NCAM2: variants seen among roughly 807,000 people sequenced by gnomAD.
The protein encoded by NCAM2 is N-CAM-2.
Under a neutral mutation model 98.1 loss-of-function variants are expected in NCAM2, and 30 were observed. That is an observed-to-expected ratio of 0.31 (90% CI 0.23 to 0.41). NCAM2 has a LOEUF of 0.41. Among genes scored for constraint, NCAM2 ranks in the 10% least tolerant of loss-of-function variants. The pLI is 1.00. For synonymous variants in NCAM2, 368 were observed against 342.4 expected, an observed-to-expected ratio of 1.07 and a Z score of -0.83; for missense variants, 867 against 1,005.8, an observed-to-expected ratio of 0.86 and a Z score of 1.87.
At chr21:21,010,155 C>A (rs968997081) in intron 1 of NCAM2, among the ~76,000 whole-genome samples, 1 of 151,906 alleles carries the variant, frequency 6.6e-6, no homozygotes, top group African/African-American at 2.4e-5. Context: ...CTTTTATCTC[C>A]CTCCTAAAGT....
intron 16 of NCAM2, among the ~76,000 whole-genome samples, chr21:21,523,574 T>C (rs971580104): frequency 2.0e-5 from 3 of 151,964 alleles, no homozygotes; most frequent in Non-Finnish European, 4.4e-5. Context: ...ATGGAAACAA[T>C]GTATTGTATT....
chr21:21,517,438 T>C (rs1988772566), intron 16 of NCAM2, among the ~76,000 whole-genome samples: 1 of 152,214 alleles, frequency 6.6e-6, no homozygotes, highest in African/African-American at 2.4e-5. Context: ...AGTTTCTTCC[T>C]TCTATTCTGT....
At chr21:21,238,232 C>A (rs2070920696) in intron 1 of NCAM2, among the ~76,000 whole-genome samples, 1 of 151,994 alleles carries the variant, frequency 6.6e-6, no homozygotes, top group South Asian at 2.1e-4. Flanking sequence ...GCTGGGATTA[C>A]AGGGATGAGC....
intron 1 of NCAM2, among the ~76,000 whole-genome samples, chr21:21,261,727 G>T (rs1294157758): frequency 2.6e-5 from 4 of 152,078 alleles, no homozygotes; most frequent in Non-Finnish European, 4.4e-5. Flanking sequence ...TAAGATGAAA[G>T]CAGTAGTGCT....
At chr21:21,219,076 A>C (rs987558231) in intron 1 of NCAM2, among the ~76,000 whole-genome samples, 2 of 152,262 alleles carry the variant, frequency 1.3e-5, no homozygotes, top group African/African-American at 2.4e-5. Flanking sequence ...CCCATGGCCC[A>C]CAGGCCACAT....
chr21:21,542,180 A>T lies in NCAM2; in HGVS notation c.*4223A>T. On this transcript the variant is annotated 3_prime_UTR_variant, in exon 18 of 18. Transcript: ENST00000400546. ...ATTTATAAAAAGACCCACATATAGT[A>T]GTTGCTGAACAAACATAATTTTCTT... is the stretch of plus-strand genomic sequence containing the variant. 6.6e-6 allele frequency: 1 copy of T among 151,880 alleles called. No homozygotes were observed. The highest frequency in any genetic ancestry group is 1.9e-4 in the East Asian group (1 of 5,200). The allele number at this position is 151,880 out of a possible 1,614,324, so 9.4% of individuals were successfully genotyped here. A position where few individuals can be genotyped will look rare whatever the true frequency, so the allele number is the denominator to read the frequency against.
intron 11 of NCAM2, among the ~76,000 whole-genome samples, chr21:21,426,750 A>G (rs2077222805): frequency 6.6e-6 from 1 of 152,144 alleles, no homozygotes. Context: ...AGTGGGACTG[A>G]CATTCACACC....
At position 21,468,684 on chromosome 21, in the gene NCAM2, A is replaced by C; in HGVS notation, c.1797A>C (p.Ile599=). 1.2e-6 allele frequency: 2 copies of C among 1,611,996 alleles called. No homozygotes were observed. The highest frequency in any genetic ancestry group is 1.7e-6 in the Non-Finnish European group (2 of 1,178,772). Residue 599 remains isoleucine, a synonymous_variant, in exon 14 of 18, where the codon ATA becomes ATC. Coordinates refer to ENST00000400546, the MANE Select transcript of NCAM2 (RefSeq NM_004540.5). ...LPVREPSPPS[I]HGQPSSGKSF... is the part of the protein sequence containing the mutation. ...TAGGTGAACCAAGTCCTCCATCCAT[A>C]CATGGACAGCCAAGCAGTGGAAAGA... is the stretch of plus-strand genomic sequence containing the variant.
chr21:21,406,347 G>C (rs1176321998), intron 9 of NCAM2, among the ~76,000 whole-genome samples: 1 of 152,164 alleles, frequency 6.6e-6, no homozygotes, highest in African/African-American at 2.4e-5. Flanking sequence ...GCTAAAGACA[G>C]GCCAAAGACT....
At chr21:21,131,453 A>G (rs2066934243) in intron 1 of NCAM2, among the ~76,000 whole-genome samples, 1 of 152,068 alleles carries the variant, frequency 6.6e-6, no homozygotes, top group Non-Finnish European at 1.5e-5. Context: ...TTGTATTTTT[A>G]GTAGAGATGG....
chr21:21,012,661 G>T, intron 1 of NCAM2, among the ~76,000 whole-genome samples: 1 of 152,186 alleles, frequency 6.6e-6, no homozygotes, highest in African/African-American at 2.4e-5. Context: ...TATAGGCGCA[G>T]TTTATTTTAT....
intron 8 of NCAM2, among the ~76,000 whole-genome samples, chr21:21,343,015 C>G (rs142839178): frequency 6.6e-6 from 1 of 152,094 alleles, no homozygotes; most frequent in African/African-American, 2.4e-5. Flanking sequence ...AAGTGTATGG[C>G]TGGCACTCTC....
At chr21:21,020,124 C>T (rs1460360617) in intron 1 of NCAM2, among the ~76,000 whole-genome samples, 1 of 152,086 alleles carries the variant, frequency 6.6e-6, no homozygotes, top group African/African-American at 2.4e-5. Context: ...GCTACCTCTG[C>T]CTCCGGGTTC....
At chr21:21,508,669 T>C (rs1988144188) in intron 15 of NCAM2, among the ~76,000 whole-genome samples, 182 bp from the exon 16 acceptor site, 1 of 151,958 alleles carries the variant, frequency 6.6e-6, no homozygotes, top group Non-Finnish European at 1.5e-5. Context: ...AACCAGGGAA[T>C]AGGCGTCAAC....
intron 12 of NCAM2, among the ~76,000 whole-genome samples, chr21:21,458,394 A>T (rs895108470): frequency 6.6e-6 from 1 of 152,180 alleles, no homozygotes; most frequent in Non-Finnish European, 1.5e-5. Context: ...TCAGGTCCCT[A>T]GCTCTGGAGA....
At chr21:21,518,485 C>T (rs1988835428) in intron 16 of NCAM2, among the ~76,000 whole-genome samples, 1 of 151,952 alleles carries the variant, frequency 6.6e-6, no homozygotes, top group Non-Finnish European at 1.5e-5. Context: ...TCGTCATTGC[C>T]TTTTATGCCT....
At chr21:21,494,224 C>T (rs1987050405) in intron 15 of NCAM2, among the ~76,000 whole-genome samples, 1 of 151,866 alleles carries the variant, frequency 6.6e-6, no homozygotes, top group South Asian at 2.1e-4. Context: ...ACAGTTTGGA[C>T]TTTCGAAAAC....
rs1251562885 is a variant in NCAM2, at chr21:21,541,875, A to C, written c.*3918A>C. ...TATCACATAATGTGCTTATTCAACAAACTTTGTATCTGGATATATTTTTAA... is the reference window on the plus strand; with the variant it reads ...TATCACATAATGTGCTTATTCAACACACTTTGTATCTGGATATATTTTTAA... On this transcript the variant is annotated 3_prime_UTR_variant, in exon 18 of 18. Coordinates refer to ENST00000400546, the MANE Select transcript of NCAM2 (RefSeq NM_004540.5). 6.6e-6 allele frequency: 1 copy of C among 151,766 alleles called. No individual in the cohort carries two copies. The highest frequency in any genetic ancestry group is 6.6e-5 in the Admixed American group (1 of 15,194). The allele number at this position is 151,766 out of a possible 1,614,324, so 9.4% of individuals were successfully genotyped here. A position where few individuals can be genotyped will look rare whatever the true frequency, so the allele number is the denominator to read the frequency against.
intron 10 of NCAM2, among the ~76,000 whole-genome samples, chr21:21,413,033 C>T (rs1193879648): frequency 6.6e-6 from 1 of 151,980 alleles, no homozygotes. Flanking sequence ...TATATATATT[C>T]AAACTTTTAA....
Sources: gnomAD v4.1 joint callset for allele counts (sites outside exome capture counted in the v4.1 genomes callset) on GRCh38, gnomAD v4.1.1 for gene constraint, MANE v1.5 for transcripts, NCBI Gene and HGNC (gene_info 2026-07-23, HGNC 2026-07-21) for gene names.